The following OR11H4 variants were observed in gnomAD, a reference collection of about 807,000 sequenced individuals.
OR11H4 encodes the protein olfactory receptor 11H4.
For missense variants in OR11H4, 460 were observed against 371.1 expected (o/e 1.24, Z -1.97); for synonymous variants, 162 against 142.3 (o/e 1.14, Z -0.98).
rs140064516 is a variant in OR11H4 at position 20,241,697 on chromosome 14, C to T, written c.-11-1114C>T. Among the ~76,000 whole-genome samples the T allele has an allele frequency of 5.8e-3, 880 of 152,214 alleles. 2 individuals carry two copies. The highest frequency in any genetic ancestry group is 8.4e-3 in the Non-Finnish European group (572 of 68,012). ...GGACCGGTACTCAGCACACCAAGGA[C>T]CTGCACCGGCACCGGCCTCTGAGTT... On this transcript the variant is annotated intron_variant, in intron 1 of 1. Transcript: ENST00000641082.
Position 20,242,844 on chromosome 14 carries a change from T to A in OR11H4, c.23T>A (p.Ile8Asn). ...CCCATGAACAGGTCAGCAACACACA[T>A]CGTGACAGAGTTTATTCTCCTGGGA... MNRSATHIVTEFILLGFP... is the reference protein window; with the variant it reads MNRSATHNVTEFILLGFP... Residue 8 changes from isoleucine to asparagine, a missense_variant, in exon 2 of 2, where the codon ATC becomes AAC. Ile to Asn is a moderately radical substitution (Grantham distance 149). Coordinates refer to ENST00000641082, the MANE Select transcript of OR11H4 (RefSeq NM_001004479.2). 1 of 1,614,042 alleles carries A rather than the reference T, an allele frequency of 6.2e-7. No homozygotes were observed. Among genetic ancestry groups the A allele is most frequent in the Non-Finnish European group, 8.5e-7 (1 of 1,179,922 alleles).
intron 1 of OR11H4, among the ~76,000 whole-genome samples, chr14:20,240,009 T>C (rs906537060): frequency 6.6e-6 from 1 of 152,272 alleles, no homozygotes; most frequent in Non-Finnish European, 1.5e-5. Context: ...GAAAAAACAA[T>C]GTTGCTGCTA....
At position 20,243,061 on chromosome 14, in the gene OR11H4, C is replaced by A; in HGVS notation, c.240C>A (p.Asn80Lys). 6.2e-7 allele frequency: 1 copy of A among 1,614,174 alleles called. No homozygotes were observed. The highest frequency in any genetic ancestry group is 8.5e-7 in the Non-Finnish European group (1 of 1,180,030). ...EIWYVSSTIP[N>K]MLVNILSKTK... Reference sequence around the variant, plus strand: ...GGTATGTGTCCTCCACTATTCCTAACATGCTAGTCAACATTCTCTCCAAGA... The same window carrying A: ...GGTATGTGTCCTCCACTATTCCTAAAATGCTAGTCAACATTCTCTCCAAGA... Residue 80 changes from asparagine (N) to lysine (K), a missense_variant, in exon 2 of 2, where the codon AAC becomes AAA. Coordinates refer to ENST00000641082, the MANE Select transcript of OR11H4 (RefSeq NM_001004479.2).
At chr14:20,241,809 G>GC (rs1351088698) in intron 1 of OR11H4, among the ~76,000 whole-genome samples, 12 of 152,010 alleles carry the variant, frequency 7.9e-5, no homozygotes, top group Non-Finnish European at 1.5e-4. Context: ...GAGAAGGTCA[G>GC]CAAAAAACAT....
In OR11H4 at chr14:20,242,927, G is replaced by A. The variant is rs764625177; in HGVS notation, c.106G>A (p.Val36Ile). Reference protein sequence around the residue: ...FLFSLFLVIYVLTLLGNGAII... With the variant: ...FLFSLFLVIYILTLLGNGAII... ...CTTCTCATTGTTTTTGGTGATTTAT[G>A]TCTTGACCTTGCTGGGAAATGGAGC... The change falls in exon 2 of 2, where the codon GTC (valine) becomes ATC (isoleucine). Residue 36 changes from valine (V) to isoleucine (I), a missense_variant. Coordinates refer to ENST00000641082, the MANE Select transcript of OR11H4 (RefSeq NM_001004479.2). The A allele has an allele frequency of 1.9e-6, 3 of 1,614,146 alleles. No homozygotes were observed. The highest frequency in any genetic ancestry group is 8.5e-7 in the Non-Finnish European group (1 of 1,180,020).
rs1443149855 is a variant in OR11H4, at chr14:20,243,484, A to C, written c.663A>C (p.Leu221Phe). 4 of 1,613,778 alleles carry C rather than the reference A, an allele frequency of 2.5e-6. No individual in the cohort carries two copies. Among genetic ancestry groups the C allele is most frequent in the African/African-American group, 2.7e-5 (2 of 74,878 alleles). Residue 221 changes from leucine (L) to phenylalanine (F), a missense_variant, in exon 2 of 2, where the codon TTA becomes TTC. Physicochemically the swap from Leu to Phe is conservative, Grantham distance 22 (BLOSUM62 0). Transcript: ENST00000641082. Reference sequence around the variant, plus strand: ...ACATTCTTCGATCCTATATCCTGTTACTAACAGCTGTTTTTCAGGTCCCTT... The same window carrying C: ...ACATTCTTCGATCCTATATCCTGTTCCTAACAGCTGTTTTTCAGGTCCCTT... The part of the protein sequence containing the change: ...SMYILRSYIL[L>F]LTAVFQVPSA...
intron 1 of OR11H4, among the ~76,000 whole-genome samples, chr14:20,241,702 A>T (rs1880924065): frequency 6.6e-6 from 1 of 152,140 alleles, no homozygotes; most frequent in Non-Finnish European, 1.5e-5. Flanking sequence ...AAGGACCTGC[A>T]CCGGCACCGG....
At position 20,243,616 on chromosome 14, in the gene OR11H4, G is replaced by T; in HGVS notation, c.795G>T (p.Gly265=). ...VMVMYVSPTY[G]IPTLLQKILT... ...TAATGTATGTAAGTCCTACATATGG[G>T]ATCCCAACTTTATTGCAGAAGATCC... is the stretch of plus-strand genomic sequence containing the variant. The change falls in exon 2 of 2, where the codon GGG becomes GGT. Residue 265 remains glycine (G), a synonymous_variant. Coordinates refer to ENST00000641082, the MANE Select transcript of OR11H4 (RefSeq NM_001004479.2). The T allele has an allele frequency of 6.2e-7, 1 of 1,614,034 alleles. No homozygotes were observed. Among genetic ancestry groups the T allele is most frequent in the Non-Finnish European group, 8.5e-7 (1 of 1,179,964 alleles).
At position 20,243,202 on chromosome 14, in the gene OR11H4, C is replaced by T. The variant is rs1473588842; in HGVS notation, c.381C>T (p.Cys127=). Residue 127 remains cysteine (C), a synonymous_variant, in exon 2 of 2, where the codon TGC becomes TGT. Transcript: ENST00000641082. Reference sequence around the variant, plus strand: ...CTTATGATCGATACCTGGCCATCTGCCACCCACTGCAGTACCCTGCCATCA... The same window carrying T: ...CTTATGATCGATACCTGGCCATCTGTCACCCACTGCAGTACCCTGCCATCA... ...VMAYDRYLAI[C]HPLQYPAIMT... 8 of 1,613,998 alleles carry T rather than the reference C, an allele frequency of 5.0e-6. No homozygotes were observed. The highest frequency in any genetic ancestry group is 1.7e-6 in the Non-Finnish European group (2 of 1,179,984).
chr14:20,241,919 C>T (rs1036940242), intron 1 of OR11H4, among the ~76,000 whole-genome samples: 2 of 152,082 alleles, frequency 1.3e-5, no homozygotes, highest in African/African-American at 4.8e-5. Flanking sequence ...CCAAGTATCT[C>T]AGTGAAGTAA....
At chr14:20,241,949 A>T (rs61993912) in intron 1 of OR11H4, among the ~76,000 whole-genome samples, 1 of 152,086 alleles carries the variant, frequency 6.6e-6, no homozygotes, top group Non-Finnish European at 1.5e-5. Context: ...AGGCAGCATT[A>T]CTGCCAACAT....
rs115945591 is a variant in OR11H4, at chr14:20,242,962, T to A, written c.141T>A (p.Tyr47Ter). The A allele has an allele frequency of 8.5e-4, 1,375 of 1,614,142 alleles. 6 individuals carry two copies. The highest frequency in any genetic ancestry group is 7.7e-3 in the African/African-American group (574 of 75,018). Reference protein sequence around the residue: ...LTLLGNGAIIYAVRCNPLLHT... With the variant: ...LTLLGNGAII Reference sequence around the variant, plus strand: ...TGCTGGGAAATGGAGCCATCATCTATGCAGTGAGATGCAACCCACTACTAC... The same window carrying A: ...TGCTGGGAAATGGAGCCATCATCTAAGCAGTGAGATGCAACCCACTACTAC... Residue 47 changes from tyrosine to a stop codon, truncating the protein, a stop_gained, in exon 2 of 2, where the codon TAT (tyrosine) becomes TAA (stop). Transcript: ENST00000641082. LOFTEE classifies it low-confidence loss of function (END_TRUNC).
At position 20,243,075 on chromosome 14, in the gene OR11H4, T is replaced by A. The variant is rs1211718564; in HGVS notation, c.254T>A (p.Ile85Asn). 6.2e-7 allele frequency: 1 copy of A among 1,614,078 alleles called. No individual in the cohort carries two copies. The highest frequency in any genetic ancestry group is 1.7e-5 in the Admixed American group (1 of 59,998). The change falls in exon 2 of 2, where the codon ATT (isoleucine) becomes AAT (asparagine). Residue 85 changes from isoleucine (I) to asparagine (N), a missense_variant. Transcript: ENST00000641082. The part of the protein sequence containing the change: ...SSTIPNMLVN[I>N]LSKTKAISFS... The stretch of plus-strand genomic sequence containing the variant: ...ACTATTCCTAACATGCTAGTCAACA[T>A]TCTCTCCAAGACCAAGGCCATCTCA...
intron 1 of OR11H4, among the ~76,000 whole-genome samples, chr14:20,242,266 G>A (rs1027956961): frequency 3.9e-5 from 6 of 152,122 alleles, no homozygotes; most frequent in Non-Finnish European, 8.8e-5. Context: ...TTTCCACAGT[G>A]CATTGTGCCC....
In OR11H4 at chr14:20,244,091, T is replaced by G. The variant is rs1383537646; in HGVS notation, c.*325T>G. The G allele has an allele frequency of 1.5e-5, 3 of 198,296 alleles. No homozygotes were observed. Among genetic ancestry groups the G allele is most frequent in the South Asian group, 1.5e-4 (1 of 6,696 alleles). 12.3% of individuals were successfully genotyped at this position (198,296 alleles called of 1,614,324 possible). ...TTGCAACAAGACAATAAACCCAACTTTGTTCAACTACAGGTATGCTCCTAG... is the reference window on the plus strand; with the variant it reads ...TTGCAACAAGACAATAAACCCAACTGTGTTCAACTACAGGTATGCTCCTAG... On this transcript the variant is annotated 3_prime_UTR_variant, in exon 2 of 2. Transcript: ENST00000641082.
chr14:20,241,710 C>T (rs1026929657), intron 1 of OR11H4, among the ~76,000 whole-genome samples: 22 of 152,076 alleles, frequency 1.4e-4, no homozygotes, highest in Non-Finnish European at 2.8e-4. Context: ...GCACCGGCAC[C>T]GGCCTCTGAG....
Position 20,243,335 on chromosome 14 carries a change from A to G in OR11H4, c.514A>G (p.Asn172Asp), listed in dbSNP as rs567587381. The change falls in exon 2 of 2, where the codon AAT becomes GAT. Residue 172 changes from asparagine to aspartate, a missense_variant. Coordinates refer to ENST00000641082, the MANE Select transcript of OR11H4 (RefSeq NM_001004479.2). ...CTCCCAACTCCCCTTCTGTGGTCCTAATATCATTGATCACTTCCTGTGTGA... is the reference window on the plus strand; with the variant it reads ...CTCCCAACTCCCCTTCTGTGGTCCTGATATCATTGATCACTTCCTGTGTGA... ...YISQLPFCGP[N>D]IIDHFLCDMD... 3.7e-6 allele frequency: 6 copies of G among 1,613,792 alleles called. No homozygotes were observed. Among genetic ancestry groups the G allele is most frequent in the Non-Finnish European group, 5.1e-6 (6 of 1,179,722 alleles).
chr14:20,242,358 G>A (rs1880952783), intron 1 of OR11H4, among the ~76,000 whole-genome samples: 1 of 152,170 alleles, frequency 6.6e-6, no homozygotes, highest in Non-Finnish European at 1.5e-5. Context: ...GGCACATCCT[G>A]CACAGCCCTA....
At position 20,243,095 on chromosome 14, in the gene OR11H4, A is replaced by G. The variant is rs759377644; in HGVS notation, c.274A>G (p.Ile92Val). 2.8e-5 allele frequency: 45 copies of G among 1,614,028 alleles called. No homozygotes were observed. The Middle Eastern group carries it at 4.9e-4, about 18-fold the overall frequency. Residue 92 changes from isoleucine (I) to valine (V), a missense_variant, in exon 2 of 2, where the codon ATC (isoleucine) becomes GTC (valine). Ile to Val is a conservative substitution (Grantham distance 29). Coordinates refer to ENST00000641082, the MANE Select transcript of OR11H4 (RefSeq NM_001004479.2). ...CAACATTCTCTCCAAGACCAAGGCCATCTCATTTTCTGGGTGCTTCCTCCA... is the reference window on the plus strand; with the variant it reads ...CAACATTCTCTCCAAGACCAAGGCCGTCTCATTTTCTGGGTGCTTCCTCCA... ...LVNILSKTKA[I>V]SFSGCFLQFY... is the part of the protein sequence containing the mutation.
Sources: gnomAD v4.1 joint callset for allele counts (sites outside exome capture counted in the v4.1 genomes callset) on GRCh38, gnomAD v4.1.1 for gene constraint, MANE v1.5 for transcripts, NCBI Gene and HGNC (gene_info 2026-07-23, HGNC 2026-07-21) for gene names.